TMEM272: variants seen among roughly 807,000 people sequenced by gnomAD.
The protein encoded by TMEM272 is long intergenic non-protein coding RNA 282.
TMEM272 carries 8 observed loss-of-function variants against 3.7 expected under a neutral mutation model. That is an observed-to-expected ratio of 2.17 (90% confidence interval 1.27 to 3.91). The LOEUF (loss-of-function observed/expected upper bound fraction) is 3.91. TMEM272 is among the 30% of genes most tolerant of loss of function. The pLI is 0.00. For missense variants in TMEM272, 166 were observed against 91.5 expected (o/e 1.81, Z -3.32); for synonymous variants, 63 against 39.8 (o/e 1.58, Z -2.20).
the TMEM272 span, among the ~76,000 whole-genome samples, chr13:51,870,725 C>G: frequency 6.3e-3 from 961 of 152,320 alleles, 15 homozygotes; most frequent in African/African-American, 0.022. Context: ...ACCAACCCAA[C>G]TTATACTACA....
chr13:51,892,199 G>A, the TMEM272 span, among the ~76,000 whole-genome samples: 1 of 152,304 alleles, frequency 6.6e-6, no homozygotes, highest in South Asian at 2.1e-4. Flanking sequence ...CTGCCCCTCA[G>A]GGGTGGTGGG....
chr13:51,869,402 C>T, the TMEM272 span, among the ~76,000 whole-genome samples: 8 of 152,144 alleles, frequency 5.3e-5, no homozygotes, highest in Non-Finnish European at 1.0e-4. Flanking sequence ...ATGGGGCTAG[C>T]TCCACCCTTG....
At chr13:51,829,181 T>A (rs1373109071) in intron 2 of TMEM272, among the ~76,000 whole-genome samples, 1 of 152,228 alleles carries the variant, frequency 6.6e-6, no homozygotes, top group Non-Finnish European at 1.5e-5. Context: ...ACTCAACATA[T>A]GAGTTAAATG....
chr13:51,867,469 G>A, the TMEM272 span, among the ~76,000 whole-genome samples: 2 of 152,144 alleles, frequency 1.3e-5, no homozygotes, highest in Admixed American at 1.3e-4. Flanking sequence ...TTTCACAGTG[G>A]CTTGGGGGTG....
the TMEM272 span, among the ~76,000 whole-genome samples, chr13:51,854,214 T>C: frequency 6.6e-6 from 1 of 152,188 alleles, no homozygotes; most frequent in African/African-American, 2.4e-5. Context: ...AATAATCTTA[T>C]TGCTATTTCC....
intron 4 of TMEM272, among the ~76,000 whole-genome samples, chr13:51,820,068 GT>G (rs1384661182): frequency 6.6e-6 from 1 of 152,126 alleles, no homozygotes; most frequent in African/African-American, 2.4e-5. Flanking sequence ...ACACACACAT[GT>G]CCATATGTAA....
chr13:51,885,669 C>T, the TMEM272 span, among the ~76,000 whole-genome samples: 1 of 152,212 alleles, frequency 6.6e-6, no homozygotes, highest in Admixed American at 6.5e-5. Context: ...AGAATAAAAT[C>T]TCTGTAGAAC....
At chr13:51,922,758 T>C in the TMEM272 span, among the ~76,000 whole-genome samples, 1 of 152,230 alleles carries the variant, frequency 6.6e-6, no homozygotes, top group Admixed American at 6.5e-5. Context: ...AGGGAGGATC[T>C]ATTCCTCGCC....
Position 51,816,656 on chromosome 13 carries a change from T to C in TMEM272, c.*95A>G, listed in dbSNP as rs913557227. 4 of 530,066 alleles carry C rather than the reference T, an allele frequency of 7.5e-6. No individual in the cohort carries two copies. The highest frequency in any genetic ancestry group is 1.4e-5 in the Non-Finnish European group (4 of 295,572). The allele number at this position is 530,066 out of a possible 1,614,324, so 32.8% of individuals were successfully genotyped here. On this transcript the variant is annotated 3_prime_UTR_variant, in exon 5 of 5. Transcript: ENST00000629372. The stretch of plus-strand genomic sequence containing the variant: ...ACCTTTATGCCCTTCTCTGAACCTG[T>C]GTGTGTGTGTGTGTGTGTGTGCGTC...
the TMEM272 span, among the ~76,000 whole-genome samples, chr13:51,879,014 G>A: frequency 3.3e-5 from 5 of 152,158 alleles, no homozygotes; most frequent in African/African-American, 9.7e-5. Flanking sequence ...TACTGTGCAC[G>A]AGAAAAGCCA....
the TMEM272 span, among the ~76,000 whole-genome samples, chr13:51,853,475 T>C: frequency 6.6e-6 from 1 of 151,882 alleles, no homozygotes; most frequent in African/African-American, 2.4e-5. Context: ...TGGATCATCA[T>C]AAAGGTCTGC....
rs151177746 is a variant in TMEM272 at position 51,824,499 on chromosome 13, T to G, written c.118+2067A>C. Among the ~76,000 whole-genome samples, 754 of 152,288 alleles carry G rather than the reference T, an allele frequency of 5.0e-3. 10 individuals carry two copies. Among genetic ancestry groups the G allele is most frequent in the African/African-American group, 0.016 (655 of 41,538 alleles). ...TGTTTTCATCACCCCAAACACAAACTCTATAACCAATATTGCTCTAGAAGC... is the reference window on the plus strand; with the variant it reads ...TGTTTTCATCACCCCAAACACAAACGCTATAACCAATATTGCTCTAGAAGC... On this transcript the variant is annotated intron_variant, in intron 3 of 4. Transcript: ENST00000629372.
At chr13:51,928,218 C>T in the TMEM272 span, among the ~76,000 whole-genome samples, 1 of 152,144 alleles carries the variant, frequency 6.6e-6, no homozygotes, top group East Asian at 1.9e-4. Flanking sequence ...TTCCTCTGGC[C>T]CAACATAGAA....
the TMEM272 span, chr13:51,865,977 T>C: frequency 1.2e-6 from 2 of 1,613,958 alleles, no homozygotes; most frequent in South Asian, 1.1e-5. Context: ...GCCTTCTGGA[T>C]GGAGAACAAT....
chr13:51,838,220 A>G (rs879309730), intron 2 of TMEM272, among the ~76,000 whole-genome samples: 1 of 152,214 alleles, frequency 6.6e-6, no homozygotes, highest in Non-Finnish European at 1.5e-5. Context: ...GTTCACATGC[A>G]TATTTTTCAA....
the TMEM272 span, among the ~76,000 whole-genome samples, chr13:51,919,806 C>A: frequency 6.6e-6 from 1 of 152,246 alleles, no homozygotes; most frequent in East Asian, 1.9e-4. Context: ...CTGCCACCGT[C>A]CCTGTGACAT....
At chr13:51,906,149 G>T in the TMEM272 span, among the ~76,000 whole-genome samples, 3 of 152,292 alleles carry the variant, frequency 2.0e-5, no homozygotes, top group East Asian at 3.9e-4. Flanking sequence ...TGCAGGGCTG[G>T]GCTGTACCTG....
At chr13:51,903,942 C>CGTGTGTATGTGTGT in the TMEM272 span, among the ~76,000 whole-genome samples, 1 of 136,660 alleles carries the variant, frequency 7.3e-6, no homozygotes, top group Admixed American at 7.5e-5. Flanking sequence ...CAGTCTTCCA[C>CGTGTGTATGTGTGT]GTGTGTGTGT....
chr13:51,818,137 T>G (rs55649476), intron 4 of TMEM272, among the ~76,000 whole-genome samples: 1 of 152,008 alleles, frequency 6.6e-6, no homozygotes, highest in South Asian at 2.1e-4. Flanking sequence ...CCCCTAACCC[T>G]GGAGAGCAGG....
Sources: gnomAD v4.1 joint callset for allele counts (sites outside exome capture counted in the v4.1 genomes callset) on GRCh38, gnomAD v4.1.1 for gene constraint, MANE v1.5 for transcripts, NCBI Gene and HGNC (gene_info 2026-07-23, HGNC 2026-07-21) for gene names.